INPP4B: variants seen among roughly 807,000 people sequenced by gnomAD.
INPP4B encodes inositol polyphosphate-4-phosphatase type II B.
In INPP4B, 55 loss-of-function variants were observed where a neutral mutation model predicts 122.5. The observed-to-expected ratio is 0.45, with a 90% confidence interval of 0.36 to 0.56. The LOEUF is 0.56. Among genes scored for constraint, INPP4B ranks in the 20% least tolerant of loss-of-function variants. The pLI is 0.00. For synonymous variants in INPP4B, 403 were observed against 388.7 expected, an observed-to-expected ratio of 1.04 and a Z score of -0.43; for missense variants, 1,000 against 1,097.7, an observed-to-expected ratio of 0.91 and a Z score of 1.26.
rs1321799868 is a variant in INPP4B at position 142,175,968 on chromosome 4, TTGCAGGTC to T, written c.1182-2167_1182-2160del. On this transcript the variant is annotated intron_variant, in intron 15 of 25. Transcript: ENST00000262992. ...GTGGTCACTTCTATGTGATCCCTCT[TTGCAGGTC>T]TGCTATTCTGTGTCCATCAGAGATC... 5.9e-5 allele frequency among the ~76,000 whole-genome samples: 9 copies of T among 152,104 alleles called. No individual in the cohort carries two copies. The East Asian group carries it at 1.7e-3, about 30-fold the overall frequency.
At chr4:142,646,816 C>G (rs534762303) in intron 2 of INPP4B, among the ~76,000 whole-genome samples, 20 of 152,276 alleles carry the variant, frequency 1.3e-4, no homozygotes, top group African/African-American at 4.8e-4. Flanking sequence ...GGAAGGCCCT[C>G]TCTAAGGAGC....
intron 1 of INPP4B, among the ~76,000 whole-genome samples, chr4:142,840,809 C>A (rs573715740): frequency 4.7e-4 from 71 of 152,048 alleles, no homozygotes; most frequent in African/African-American, 1.7e-3. Flanking sequence ...AAAATTTATT[C>A]AGAACAACAG....
chr4:142,173,578 A>G, intron 16 of INPP4B, 54 bp downstream of exon 16: 1 of 1,483,032 alleles, frequency 6.7e-7, no homozygotes, highest in African/African-American at 1.4e-5. Flanking sequence ...AAGCCAGACC[A>G]ATGGGAATTT....
intron 11 of INPP4B, among the ~76,000 whole-genome samples, chr4:142,255,177 C>T (rs1016009835): frequency 1.3e-4 from 19 of 151,754 alleles, no homozygotes; most frequent in African/African-American, 4.6e-4. Context: ...CACCACCAGG[C>T]CTGCCCTAAA....
intron 2 of INPP4B, among the ~76,000 whole-genome samples, chr4:142,487,719 T>G (rs951481907): frequency 6.6e-6 from 1 of 152,130 alleles, no homozygotes; most frequent in African/African-American, 2.4e-5. Flanking sequence ...AATCTAAAAT[T>G]TATTTGCAGA....
chr4:142,292,630 A>G (rs1212520408), intron 9 of INPP4B, among the ~76,000 whole-genome samples: 1 of 152,236 alleles, frequency 6.6e-6, no homozygotes, highest in Non-Finnish European at 1.5e-5. Flanking sequence ...AAGATTAAAA[A>G]GTACAATAAA....
intron 11 of INPP4B, among the ~76,000 whole-genome samples, chr4:142,238,369 GTGTA>G (rs1316609055): frequency 6.6e-6 from 1 of 151,928 alleles, no homozygotes; most frequent in East Asian, 1.9e-4. Flanking sequence ...GTTTTATAAA[GTGTA>G]TGTGTCTACA....
At chr4:142,596,162 T>C (rs573835575) in intron 2 of INPP4B, among the ~76,000 whole-genome samples, 54 of 152,176 alleles carry the variant, frequency 3.5e-4, no homozygotes, top group African/African-American at 1.3e-3. Context: ...TTTTTTTTAA[T>C]AAAAAAAGAC....
At chr4:142,487,391 A>T (rs1025687689) in intron 2 of INPP4B, among the ~76,000 whole-genome samples, 46 of 152,250 alleles carry the variant, frequency 3.0e-4, no homozygotes, top group African/African-American at 1.1e-3. Flanking sequence ...AGAGAATACA[A>T]ATTCCCTAAC....
intron 1 of INPP4B, among the ~76,000 whole-genome samples, chr4:142,768,288 A>C (rs1772465764): frequency 6.6e-6 from 1 of 152,186 alleles, no homozygotes; most frequent in Non-Finnish European, 1.5e-5. Flanking sequence ...ATAAATACTA[A>C]AGACTGCTCT....
chr4:142,397,186 T>C (rs554122715), intron 7 of INPP4B, among the ~76,000 whole-genome samples: 30 of 152,316 alleles, frequency 2.0e-4, no homozygotes, highest in African/African-American at 6.7e-4. Context: ...CTCAGCTCCC[T>C]CTACAAGACA....
chr4:142,180,898 CAAATT>C (rs935806912), intron 15 of INPP4B, among the ~76,000 whole-genome samples: 11 of 152,064 alleles, frequency 7.2e-5, no homozygotes, highest in Non-Finnish European at 1.0e-4. Flanking sequence ...TTTTGTAACA[CAAATT>C]AAAGAATTTC....
chr4:142,116,712 A>G (rs1297143153), intron 21 of INPP4B, among the ~76,000 whole-genome samples: 1 of 152,194 alleles, frequency 6.6e-6, no homozygotes, highest in African/African-American at 2.4e-5. Context: ...GAAAGCAGGA[A>G]AGGTCTAAAA....
intron 7 of INPP4B, among the ~76,000 whole-genome samples, chr4:142,359,837 T>C (rs1784825222): frequency 6.6e-6 from 1 of 151,968 alleles, no homozygotes; most frequent in African/African-American, 2.4e-5. Context: ...ATAACCTTTT[T>C]GGGCAGGAAA....
intron 2 of INPP4B, among the ~76,000 whole-genome samples, chr4:142,711,508 TTTA>T (rs949355145): frequency 3.9e-5 from 6 of 151,986 alleles, no homozygotes; most frequent in Non-Finnish European, 8.8e-5. Flanking sequence ...TCATCAATCA[TTTA>T]TTATTATTCT....
intron 1 of INPP4B, among the ~76,000 whole-genome samples, chr4:142,838,110 A>G (rs963518421): frequency 1.3e-5 from 2 of 152,012 alleles, no homozygotes; most frequent in African/African-American, 4.8e-5. Flanking sequence ...GTAAGACTCA[A>G]TCAATAATTC....
At chr4:142,390,739 T>A (rs1029435789) in intron 7 of INPP4B, among the ~76,000 whole-genome samples, 2 of 152,344 alleles carry the variant, frequency 1.3e-5, no homozygotes, top group African/African-American at 4.8e-5. Context: ...ATAATTATAG[T>A]TACTATGTTA....
chr4:142,789,691 C>A (rs933250278), intron 1 of INPP4B, among the ~76,000 whole-genome samples: 3 of 151,956 alleles, frequency 2.0e-5, no homozygotes, highest in Non-Finnish European at 4.4e-5. Context: ...CAATGCAATT[C>A]CCATCAAAAT....
At chr4:142,096,643 A>T (rs1279074339) in intron 23 of INPP4B, among the ~76,000 whole-genome samples, 1 of 152,140 alleles carries the variant, frequency 6.6e-6, no homozygotes, top group Non-Finnish European at 1.5e-5. Flanking sequence ...AAATTCTCTC[A>T]ATCTTTTTAA....
Sources: gnomAD v4.1 joint callset for allele counts (sites outside exome capture counted in the v4.1 genomes callset) on GRCh38, gnomAD v4.1.1 for gene constraint, MANE v1.5 for transcripts, NCBI Gene and HGNC (gene_info 2026-07-23, HGNC 2026-07-21) for gene names.